The following UNC13C variants were observed in gnomAD, a reference collection of about 807,000 sequenced individuals.
The protein encoded by UNC13C is protein unc-13 homolog C.
Under a neutral mutation model 245.4 loss-of-function variants are expected in UNC13C, and 174 were observed. The observed-to-expected ratio is 0.71, with a 90% CI of 0.63 to 0.80. UNC13C has a LOEUF of 0.80. Ranked by LOEUF, UNC13C falls within the 30% of genes least tolerant of loss-of-function variation. The pLI, the probability that UNC13C is intolerant of heterozygous loss-of-function variation, is 0.00. For missense variants in UNC13C, 2,829 were observed against 2,602.9 expected (o/e 1.09, Z -1.89); for synonymous variants, 992 against 895.1 (o/e 1.11, Z -1.93).
intron 23 of UNC13C, among the ~76,000 whole-genome samples, chr15:54,511,286 A>T (rs181939478): frequency 3.6e-4 from 55 of 152,306 alleles, no homozygotes; most frequent in Admixed American, 3.0e-3. Flanking sequence ...AACACTTCGA[A>T]TACCAGCATG....
At chr15:54,110,002 G>A (rs1193856281) in intron 2 of UNC13C, among the ~76,000 whole-genome samples, 1 of 152,144 alleles carries the variant, frequency 6.6e-6, no homozygotes, top group Non-Finnish European at 1.5e-5. Context: ...TATTGGCCGG[G>A]TGTGGTGGCT....
chr15:54,428,365 C>T (rs987996360), intron 19 of UNC13C, among the ~76,000 whole-genome samples: 9 of 151,590 alleles, frequency 5.9e-5, no homozygotes, highest in African/African-American at 1.7e-4. Context: ...TTGGGACAAT[C>T]GCTCTGAACT....
At chr15:54,173,021 T>C (rs1416921506) in intron 4 of UNC13C, among the ~76,000 whole-genome samples, 1 of 151,660 alleles carries the variant, frequency 6.6e-6, no homozygotes, top group Non-Finnish European at 1.5e-5. Context: ...TCTTGGCACT[T>C]CTGTTGAGAA....
chr15:54,071,669 AAAAAG>A (rs1898335654), intron 2 of UNC13C, among the ~76,000 whole-genome samples: 1 of 112,536 alleles, frequency 8.9e-6, no homozygotes. Context: ...TGAAAAAAAC[AAAAAG>A]AACACTATTT....
intron 26 of UNC13C, among the ~76,000 whole-genome samples, chr15:54,535,094 C>A (rs1463219573): frequency 6.6e-6 from 1 of 151,924 alleles, no homozygotes; most frequent in East Asian, 1.9e-4. Context: ...AAATGTCCCA[C>A]TTAAAAGGCA....
At chr15:54,158,336 T>TC (rs1215329013) in intron 4 of UNC13C, among the ~76,000 whole-genome samples, 1 of 151,120 alleles carries the variant, frequency 6.6e-6, no homozygotes, top group East Asian at 1.9e-4. Context: ...TTTTTTTTAA[T>TC]TTTTTTTTTG....
intron 4 of UNC13C, among the ~76,000 whole-genome samples, chr15:54,164,022 G>A (rs1260340980): frequency 1.3e-5 from 2 of 152,070 alleles, no homozygotes; most frequent in Non-Finnish European, 2.9e-5. Context: ...GATTGTAGAT[G>A]CTCTTACAGA....
At chr15:54,426,761 C>T (rs1423754594) in intron 19 of UNC13C, among the ~76,000 whole-genome samples, 2 of 151,780 alleles carry the variant, frequency 1.3e-5, no homozygotes, top group Non-Finnish European at 2.9e-5. Context: ...CCATTACTTA[C>T]CCGCCATGCA....
chr15:53,938,327 A>T, the UNC13C span, among the ~76,000 whole-genome samples: 2 of 152,056 alleles, frequency 1.3e-5, no homozygotes, highest in African/African-American at 4.8e-5. Context: ...AGAGCTAACT[A>T]TCCTAAGTAT....
chr15:54,263,195 G>A (rs938965050), intron 8 of UNC13C, among the ~76,000 whole-genome samples: 18 of 152,220 alleles, frequency 1.2e-4, no homozygotes, highest in African/African-American at 1.9e-4. Flanking sequence ...CAAGTCTTTC[G>A]ATTATTTTCA....
At chr15:53,868,880 G>C in the UNC13C span, among the ~76,000 whole-genome samples, 4 of 152,268 alleles carry the variant, frequency 2.6e-5, no homozygotes, top group Admixed American at 2.6e-4. Context: ...CATTTTGGGA[G>C]GCCAAAATAG....
At chr15:54,548,348 A>C (rs1327983258) in intron 27 of UNC13C, among the ~76,000 whole-genome samples, 1 of 149,340 alleles carries the variant, frequency 6.7e-6, no homozygotes, top group African/African-American at 2.4e-5. Flanking sequence ...CAGCCTCCCA[A>C]GTAGCTGGGA....
intron 30 of UNC13C, among the ~76,000 whole-genome samples, chr15:54,589,861 T>G (rs1898692142): frequency 6.6e-6 from 1 of 152,158 alleles, no homozygotes; most frequent in South Asian, 2.1e-4. Flanking sequence ...TTTTTAGTCA[T>G]GAAATCCTAT....
At chr15:53,845,974 A>G in the UNC13C span, among the ~76,000 whole-genome samples, 1 of 152,150 alleles carries the variant, frequency 6.6e-6, no homozygotes, top group Non-Finnish European at 1.5e-5. Flanking sequence ...ACATACTCCA[A>G]GTACCAATAA....
chr15:53,849,609 A>G, the UNC13C span, among the ~76,000 whole-genome samples: 1 of 152,124 alleles, frequency 6.6e-6, no homozygotes, highest in African/African-American at 2.4e-5. Flanking sequence ...TTTTCCAAAA[A>G]AGCATTTTCA....
At chr15:53,926,715 G>A in the UNC13C span, among the ~76,000 whole-genome samples, 12 of 142,236 alleles carry the variant, frequency 8.4e-5, no homozygotes, top group Admixed American at 8.9e-4. Flanking sequence ...AAGGAAGCGA[G>A]TAACTTGGCT....
chr15:54,603,083 TAGC>T (rs1354832915), intron 30 of UNC13C, among the ~76,000 whole-genome samples: 2 of 152,186 alleles, frequency 1.3e-5, no homozygotes, highest in Non-Finnish European at 2.9e-5. Context: ...AAAGAACTCT[TAGC>T]TGTTTGTGGC....
rs1892233963 is a variant in UNC13C at position 54,467,384 on chromosome 15, G to C, written c.4934-27224G>C. Among the ~76,000 whole-genome samples, 3 of 151,538 alleles carry C rather than the reference G, an allele frequency of 2.0e-5. No individual in the cohort carries two copies. In the South Asian group the frequency reaches 6.2e-4, roughly 31 times the overall value. On this transcript the variant is annotated intron_variant, in intron 19 of 32. Coordinates refer to ENST00000260323, the MANE Select transcript of UNC13C (RefSeq NM_001080534.3). ...TTGAGTGTAACTAGAGGACAGAGAT[G>C]ACTACAAATTTCTTTTTTTTTACAA...
chr15:54,261,395 G>A (rs1306760490), intron 8 of UNC13C, among the ~76,000 whole-genome samples: 2 of 152,158 alleles, frequency 1.3e-5, no homozygotes, highest in Non-Finnish European at 2.9e-5. Context: ...TAAAGCATAG[G>A]GCAATGGAAA....
Sources: allele counts gnomAD v4.1 joint callset (sites outside exome capture counted in the v4.1 genomes callset), GRCh38; gene constraint gnomAD v4.1.1; transcripts MANE v1.5; gene names NCBI Gene and HGNC (gene_info 2026-07-23, HGNC 2026-07-21).